Variants in ADAM12 observed in about 807,000 individuals in gnomAD.
The protein encoded by ADAM12 is ADAM metallopeptidase domain 12, also known as disintegrin and metalloproteinase domain-containing protein 12.
A neutral mutation model predicts 106.4 loss-of-function variants in ADAM12; 70 were observed. That is an observed-to-expected ratio of 0.66 (90% CI 0.54 to 0.80). The LOEUF (loss-of-function observed/expected upper bound fraction) is 0.80, where lower values mean the gene tolerates loss of function less well. Ranked by LOEUF, ADAM12 falls within the 30% of genes least tolerant of loss-of-function variation. The pLI is 0.00. For synonymous variants in ADAM12, 420 were observed against 433.5 expected (o/e 0.97, Z 0.39); for missense variants, 1,010 against 1,171.9 (o/e 0.86, Z 2.02).
chr10:126,038,402 C>CTT, intron 19 of ADAM12, 53 bp from the exon 20 acceptor site: 1 of 1,416,678 alleles, frequency 7.1e-7, no homozygotes, highest in Non-Finnish European at 9.4e-7. Flanking sequence ...TTCTCACTGA[C>CTT]TTGACTTTTT....
At chr10:126,258,985 C>T (rs1006134140) in intron 3 of ADAM12, among the ~76,000 whole-genome samples, 1 of 152,192 alleles carries the variant, frequency 6.6e-6, no homozygotes, top group African/African-American at 2.4e-5. Context: ...GTGTGTTGTT[C>T]AATGCTTGTT....
chr10:126,118,794 A>G (rs1213252954), intron 5 of ADAM12, among the ~76,000 whole-genome samples: 1 of 152,128 alleles, frequency 6.6e-6, no homozygotes, highest in Non-Finnish European at 1.5e-5. Context: ...TCCAATGTCC[A>G]TTATATTACT....
At chr10:126,283,520 A>C (rs1295839891) in intron 2 of ADAM12, among the ~76,000 whole-genome samples, 1 of 152,232 alleles carries the variant, frequency 6.6e-6, no homozygotes. Flanking sequence ...ACTGCGGCTC[A>C]CTGGGGTTTT....
chr10:126,129,297 C>A (rs1324964662), intron 5 of ADAM12, among the ~76,000 whole-genome samples: 4 of 152,240 alleles, frequency 2.6e-5, no homozygotes, highest in Non-Finnish European at 5.9e-5. Context: ...CCTTTTCCCT[C>A]CAGGAGCTCA....
At chr10:126,199,138 T>C (rs2133816706) in intron 3 of ADAM12, among the ~76,000 whole-genome samples, 1 of 152,298 alleles carries the variant, frequency 6.6e-6, no homozygotes, top group East Asian at 1.9e-4. Context: ...GCTTACCAGG[T>C]TGAAGACCCC....
intron 3 of ADAM12, among the ~76,000 whole-genome samples, chr10:126,157,113 G>A (rs898735678): frequency 2.6e-5 from 4 of 152,214 alleles, no homozygotes; most frequent in African/African-American, 9.6e-5. Flanking sequence ...CCTACAGCAT[G>A]TTGAGCTGGG....
intron 21 of ADAM12, among the ~76,000 whole-genome samples, chr10:126,021,515 C>G (rs992286148): frequency 1.3e-5 from 2 of 152,188 alleles, no homozygotes; most frequent in African/African-American, 4.8e-5. Context: ...ACAACGGACA[C>G]ATTGGGCTAG....
chr10:126,338,285 C>T (rs1490504578), intron 1 of ADAM12, among the ~76,000 whole-genome samples: 3 of 129,782 alleles, frequency 2.3e-5, no homozygotes, highest in Admixed American at 8.8e-5. Context: ...CGGAGTCTCG[C>T]TCTGTCGCCC....
At chr10:126,316,086 G>T (rs1321577586) in intron 2 of ADAM12, among the ~76,000 whole-genome samples, 1 of 152,182 alleles carries the variant, frequency 6.6e-6, no homozygotes, top group Non-Finnish European at 1.5e-5. Flanking sequence ...TTTCAAAGGA[G>T]ATATGATAGA....
chr10:126,176,137 C>A (rs1957216124), intron 3 of ADAM12, among the ~76,000 whole-genome samples: 1 of 152,210 alleles, frequency 6.6e-6, no homozygotes, highest in South Asian at 2.1e-4. Flanking sequence ...AGAGATCAGG[C>A]ACTGAGTTCC....
chr10:126,247,384 C>T (rs1218839096), intron 3 of ADAM12, among the ~76,000 whole-genome samples: 2 of 152,208 alleles, frequency 1.3e-5, no homozygotes, highest in African/African-American at 4.8e-5. Flanking sequence ...GTCAACAAAA[C>T]CAGCAACGAG....
intron 2 of ADAM12, among the ~76,000 whole-genome samples, chr10:126,309,351 A>T (rs781174117): frequency 1.3e-5 from 2 of 152,194 alleles, no homozygotes; most frequent in Non-Finnish European, 2.9e-5. Flanking sequence ...AGAAAGAATA[A>T]ATTCCAGTCT....
chr10:126,081,067 G>A (rs7903323), intron 11 of ADAM12, among the ~76,000 whole-genome samples: 17,452 of 148,836 alleles, frequency 0.12, 1,230 homozygotes, highest in African/African-American at 0.19. Flanking sequence ...TTAGGCGTCT[G>A]GAGAAACCAG....
intron 14 of ADAM12, among the ~76,000 whole-genome samples, chr10:126,055,190 T>G (rs1440071918): frequency 2.0e-5 from 3 of 152,140 alleles, no homozygotes; most frequent in Non-Finnish European, 4.4e-5. Flanking sequence ...ATGAGTGTGG[T>G]TCCCCACGGC....
intron 1 of ADAM12, among the ~76,000 whole-genome samples, chr10:126,366,445 G>A (rs563669268): frequency 6.7e-6 from 1 of 149,656 alleles, no homozygotes; most frequent in East Asian, 1.9e-4. Context: ...ATAATAAAAT[G>A]AAGAACTACA....
chr10:126,122,132 C>T (rs987903636), intron 5 of ADAM12, among the ~76,000 whole-genome samples: 8 of 152,114 alleles, frequency 5.3e-5, no homozygotes, highest in Non-Finnish European at 7.4e-5. Context: ...TGGTTTGGAG[C>T]AACTAAAACA....
chr10:126,205,175 G>A lies in ADAM12; in HGVS notation c.261-49870C>T, dbSNP rs1957773567. On this transcript the variant is annotated intron_variant, in intron 3 of 22. Coordinates refer to ENST00000448723, the MANE Select transcript of ADAM12 (RefSeq NM_001288973.2). ...ACCAAGAGACAACCAGAGAGCCAAA[G>A]CCATGATGACACTCTGAGCCCCTGG... is the stretch of plus-strand genomic sequence containing the variant. Among the ~76,000 whole-genome samples the A allele has an allele frequency of 2.0e-5, 3 of 152,162 alleles. No homozygotes were observed. The South Asian group carries it at 6.2e-4, about 32-fold the overall frequency.
chr10:126,168,864 C>T (rs780209249), intron 3 of ADAM12, among the ~76,000 whole-genome samples: 34 of 152,020 alleles, frequency 2.2e-4, no homozygotes, highest in Admixed American at 7.2e-4. Flanking sequence ...ACCAGCCTGG[C>T]CAACATGGTG....
At chr10:126,185,674 C>T (rs930020924) in intron 3 of ADAM12, among the ~76,000 whole-genome samples, 1 of 151,782 alleles carries the variant, frequency 6.6e-6, no homozygotes, top group Non-Finnish European at 1.5e-5. Flanking sequence ...TAAGACACAC[C>T]ACCCATGGGG....
Sources: allele counts gnomAD v4.1 joint callset (sites outside exome capture counted in the v4.1 genomes callset), GRCh38; gene constraint gnomAD v4.1.1; transcripts MANE v1.5; gene names NCBI Gene and HGNC (gene_info 2026-07-23, HGNC 2026-07-21).